CCT6A: variants seen among roughly 807,000 people sequenced by gnomAD.
CCT6A encodes chaperonin containing TCP1 subunit 6A.
A neutral mutation model predicts 58.6 loss-of-function variants in CCT6A; 6 were observed. The ratio of observed to expected loss-of-function variants is 0.10; its 90% confidence interval spans 0.06 to 0.20. The LOEUF (loss-of-function observed/expected upper bound fraction) is 0.20, where lower values mean the gene tolerates loss of function less well. CCT6A is among the 10% of genes least tolerant of loss of function. The pLI is 1.00. For synonymous variants in CCT6A, 245 were observed against 227.8 expected (o/e 1.08, Z -0.68); for missense variants, 516 against 648.8 (o/e 0.80, Z 2.22).
intron 10 of CCT6A, 162 bp from the exon 11 acceptor site, chr7:56,060,645 T>A (rs201463403): frequency 3.9e-6 from 4 of 1,028,586 alleles, no homozygotes; most frequent in Non-Finnish European, 1.5e-6. Flanking sequence ...CAGTGGCTAG[T>A]GAAGCCATTC....
At position 56,056,412 on chromosome 7, in the gene CCT6A, A is replaced by G. The variant is rs1794305581; in HGVS notation, c.612A>G (p.Thr204=). ...MEMKHKSETD[T]SLIRGLVLDH... ...TGAAACATAAATCTGAAACTGATAC[A>G]AGGTAGGTGGTAGAAGACTGTGAAA... Residue 204 remains threonine, a splice_region_variant and synonymous_variant, in exon 5 of 14, where the codon ACA becomes ACG. Coordinates refer to ENST00000275603, the MANE Select transcript of CCT6A (RefSeq NM_001762.4). 7.1e-7 allele frequency: 1 copy of G among 1,416,228 alleles called. No homozygotes were observed. The highest frequency in any genetic ancestry group is 1.0e-6 in the Non-Finnish European group (1 of 999,792). The allele number at this position is 1,416,228 out of a possible 1,614,324, so 87.7% of individuals were successfully genotyped here.
Position 56,054,522 on chromosome 7 carries a change from T to C in CCT6A, c.336+19T>C. 1 of 1,598,788 alleles carries C rather than the reference T, an allele frequency of 6.3e-7. No homozygotes were observed. Among genetic ancestry groups the C allele is most frequent in the Non-Finnish European group, 8.5e-7 (1 of 1,171,460 alleles). On this transcript the variant is annotated intron_variant, in intron 3 of 13. Transcript: ENST00000275603. ...TTCTGAAGTATGCACAACTCTTGTT[T>C]CTGTAATTTTTTTTTGTATATAGGA...
Position 56,063,145 on chromosome 7 carries a change from C to A in CCT6A, c.*60C>A. On this transcript the variant is annotated 3_prime_UTR_variant, in exon 14 of 14. Transcript: ENST00000275603. ...TGCAAAGTGATCCTGAGGATTACAG[C>A]TGTGGAATTTTTGTCCAAGCTTCAA... 1.7e-6 allele frequency: 2 copies of A among 1,183,934 alleles called. No homozygotes were observed. Among genetic ancestry groups the A allele is most frequent in the Non-Finnish European group, 2.5e-6 (2 of 793,432 alleles). 73.3% of individuals were successfully genotyped at this position (1,183,934 alleles called of 1,614,324 possible).
chr7:56,054,930 C>T (rs967890976), intron 3 of CCT6A, among the ~76,000 whole-genome samples: 4 of 152,178 alleles, frequency 2.6e-5, no homozygotes, highest in Non-Finnish European at 4.4e-5. Flanking sequence ...AGAGAACAGT[C>T]TTTATTTTTA....
intron 6 of CCT6A, 50 bp downstream of exon 6, chr7:56,058,153 G>A (rs774410884): frequency 8.8e-7 from 1 of 1,142,338 alleles, no homozygotes; most frequent in Admixed American, 1.9e-5. Flanking sequence ...CGTATTTTAG[G>A]CGAGTTACTT....
At position 56,060,867 on chromosome 7, in the gene CCT6A, A is replaced by G. The variant is rs1191884368; in HGVS notation, c.1274A>G (p.His425Arg). 1 of 1,613,808 alleles carries G rather than the reference A, an allele frequency of 6.2e-7. No individual in the cohort carries two copies. Among genetic ancestry groups the G allele is most frequent in the Non-Finnish European group, 8.5e-7 (1 of 1,179,978 alleles). ...GCAATGGCAGAAGCCCTGATTAAAC[A>G]TAAGCCCAGTGTAAAGGGCAGGGCA... ...EVAMAEALIK[H>R]KPSVKGRAQL... The change falls in exon 11 of 14, where the codon CAT becomes CGT. Residue 425 changes from histidine to arginine, a missense_variant. Coordinates refer to ENST00000275603, the MANE Select transcript of CCT6A (RefSeq NM_001762.4).
chr7:56,063,762 T>TTG lies in CCT6A; in HGVS notation c.*679_*680dup. Reference sequence around the variant, plus strand: ...CACGGTTATTGGGTGAAATTTGAGATTGTAGGCCAACTGTATTTTCAAGCT... The same window carrying TTG: ...CACGGTTATTGGGTGAAATTTGAGATTGTGTAGGCCAACTGTATTTTCAAGCT... On this transcript the variant is annotated 3_prime_UTR_variant, in exon 14 of 14. Transcript: ENST00000275603. 1 of 157,654 alleles carries TTG rather than the reference T, an allele frequency of 6.3e-6. No individual in the cohort carries two copies. Among genetic ancestry groups the TTG allele is most frequent in the South Asian group, 1.7e-4 (1 of 5,820 alleles). 9.8% of individuals were successfully genotyped at this position (157,654 alleles called of 1,614,324 possible). A position where few individuals can be genotyped will look rare whatever the true frequency, so the allele number is the denominator to read the frequency against.
Position 56,062,712 on chromosome 7 carries a change from G to A in CCT6A, c.1480G>A (p.Val494Ile), listed in dbSNP as rs537627263. The change falls in exon 13 of 14, where the codon GTA becomes ATA. Residue 494 changes from valine (V) to isoleucine (I), a missense_variant. Val to Ile is a conservative substitution (Grantham distance 29). Transcript: ENST00000275603. ...GCCAATGGTGGCAGCAGAAGTAGGC[G>A]TATGGGATAACTATTGTGTAAAGAA... ...GEPMVAAEVGVWDNYCVKKQL... is the reference protein window; with the variant it reads ...GEPMVAAEVGIWDNYCVKKQL... 9.9e-6 allele frequency: 16 copies of A among 1,613,926 alleles called. No homozygotes were observed. The highest frequency in any genetic ancestry group is 3.3e-5 in the South Asian group (3 of 91,032).
chr7:56,061,339 A>C (rs951665777), intron 11 of CCT6A, among the ~76,000 whole-genome samples: 24 of 151,332 alleles, frequency 1.6e-4, no homozygotes, highest in Non-Finnish European at 2.9e-4. Flanking sequence ...GTATTCTCTG[A>C]AGGGAACATA....
At chr7:56,061,000 A>G (rs570206302) in intron 11 of CCT6A, 60 bp downstream of exon 11, 1 of 1,518,814 alleles carries the variant, frequency 6.6e-7, no homozygotes, top group African/African-American at 1.4e-5. Context: ...CCTTTCTGAT[A>G]ATGTAGGATT....
At chr7:56,052,677 C>G (rs1194264189) in intron 2 of CCT6A, among the ~76,000 whole-genome samples, 192 bp downstream of exon 2, 3 of 151,962 alleles carry the variant, frequency 2.0e-5, no homozygotes, top group Admixed American at 2.0e-4. Context: ...ATTCACAGTC[C>G]GGGCTAAAGG....
Position 56,063,558 on chromosome 7 carries a change from A to G in CCT6A, c.*473A>G, listed in dbSNP as rs1221142505. 1 of 172,972 alleles carries G rather than the reference A, an allele frequency of 5.8e-6. No individual in the cohort carries two copies. Among genetic ancestry groups the G allele is most frequent in the Non-Finnish European group, 1.2e-5 (1 of 80,560 alleles). 10.7% of individuals were successfully genotyped at this position (172,972 alleles called of 1,614,324 possible). ...TTGGTATAAATTTCTGAGTAAATGC[A>G]TTGGATCAGTTGGACTTTGAACGCC... is the stretch of plus-strand genomic sequence containing the variant. On this transcript the variant is annotated 3_prime_UTR_variant, in exon 14 of 14. Coordinates refer to ENST00000275603, the MANE Select transcript of CCT6A (RefSeq NM_001762.4).
In CCT6A at chr7:56,055,731, T is replaced by C. The variant is rs749384523; in HGVS notation, c.444T>C (p.Leu148=). The C allele has an allele frequency of 6.2e-5, 100 of 1,613,700 alleles. No homozygotes were observed. Among genetic ancestry groups the C allele is most frequent in the Admixed American group, 1.5e-4 (9 of 60,008 alleles). The change falls in exon 4 of 14, where the codon CTT becomes CTC. Residue 148 remains leucine (L), a synonymous_variant. Transcript: ENST00000275603. ...GCAGAGAGATGGACAGGGAAACACT[T>C]ATAGATGTGGCCAGAACATCTCTTC... ...KVSREMDRET[L]IDVARTSLRT...
intron 2 of CCT6A, among the ~76,000 whole-genome samples, chr7:56,053,284 G>C (rs1794225259): frequency 6.6e-6 from 1 of 152,176 alleles, no homozygotes; most frequent in Non-Finnish European, 1.5e-5. Context: ...ATTTCCTGCT[G>C]ATTTGAGTTC....
chr7:56,057,834 T>C (rs12671494), intron 5 of CCT6A, among the ~76,000 whole-genome samples, 159 bp from the exon 6 acceptor site: 33,510 of 152,112 alleles, frequency 0.22, 3,836 homozygotes, highest in East Asian at 0.4. Flanking sequence ...TGAGCCAAGA[T>C]GGCACCACTA....
chr7:56,055,856 A>G, intron 4 of CCT6A, 59 bp downstream of exon 4: 1 of 1,257,648 alleles, frequency 8.0e-7, no homozygotes. Context: ...AATCTCTGAT[A>G]GTAGAAACAT....
intron 2 of CCT6A, among the ~76,000 whole-genome samples, chr7:56,053,036 C>T (rs558564470): frequency 3.9e-5 from 6 of 152,206 alleles, no homozygotes; most frequent in South Asian, 2.1e-4. Context: ...TCAGGCGATC[C>T]CCCCGCATCA....
chr7:56,054,604 T>A, intron 3 of CCT6A, 101 bp downstream of exon 3: 2 of 1,165,486 alleles, frequency 1.7e-6, no homozygotes, highest in East Asian at 2.4e-5. Flanking sequence ...GGTCATACAG[T>A]AGAATTAGGG....
chr7:56,062,691 A>G lies in CCT6A; in HGVS notation c.1459A>G (p.Met487Val), dbSNP rs145494407. The G allele has an allele frequency of 4.3e-5, 70 of 1,613,864 alleles. No individual in the cohort carries two copies. The highest frequency in any genetic ancestry group is 9.9e-5 in the South Asian group (9 of 91,082). Reference protein sequence around the residue: ...VGVDLNTGEPMVAAEVGVWDN... With the variant: ...VGVDLNTGEPVVAAEVGVWDN... Reference sequence around the variant, plus strand: ...ATTTGGTTGCCTTTTAGGTGAGCCAATGGTGGCAGCAGAAGTAGGCGTATG... The same window carrying G: ...ATTTGGTTGCCTTTTAGGTGAGCCAGTGGTGGCAGCAGAAGTAGGCGTATG... The change falls in exon 13 of 14, where the codon ATG (methionine) becomes GTG (valine). Residue 487 changes from methionine to valine, a missense_variant. Physicochemically the swap from Met to Val is conservative, Grantham distance 21. This residue lies in a region of CCT6A where 315 missense variants were observed against 389.4 expected (regional missense o/e 0.81). Coordinates refer to ENST00000275603, the MANE Select transcript of CCT6A (RefSeq NM_001762.4).
Sources: allele counts gnomAD v4.1 joint callset (sites outside exome capture counted in the v4.1 genomes callset), GRCh38; gene constraint gnomAD v4.1.1; regional missense constraint gnomAD v4.1.1; transcripts MANE v1.5; gene names NCBI Gene and HGNC (gene_info 2026-07-23, HGNC 2026-07-21).